Variants in CA3 observed in about 807,000 individuals in gnomAD.
The protein encoded by CA3 is CA-III.
Under a neutral mutation model 35.7 loss-of-function variants are expected in CA3, and 30 were observed. The ratio of observed to expected loss-of-function variants is 0.84; its 90% confidence interval spans 0.63 to 1.14. The LOEUF is 1.14. CA3 is among the 50% of genes most tolerant of loss of function. The pLI, the probability that CA3 is intolerant of heterozygous loss-of-function variation, is 0.00. For missense variants in CA3, 295 were observed against 328.5 expected (o/e 0.90, Z 0.79); for synonymous variants, 131 against 130.8 (o/e 1.00, Z -0.01).
At position 85,444,125 on chromosome 8, in the gene CA3, A is replaced by C; in HGVS notation, c.443A>C (p.Lys148Thr). The change falls in exon 4 of 7, where the codon AAG becomes ACG. Residue 148 changes from lysine (K) to threonine (T), a missense_variant and splice_region_variant. By Grantham distance (78) the Lys-to-Thr change is moderately conservative (BLOSUM62 -1). Transcript: ENST00000285381. The stretch of plus-strand genomic sequence containing the variant: ...ATCGCTGTGATTGGCATTTTTCTGA[A>C]GGTAAAGTAAAAATTGACTATATAT... ...DGIAVIGIFLKIGHENGEFQI... is the reference protein window; with the variant it reads ...DGIAVIGIFLTIGHENGEFQI... The C allele has an allele frequency of 6.3e-7, 1 of 1,598,508 alleles. No homozygotes were observed. Among genetic ancestry groups the C allele is most frequent in the Non-Finnish European group, 8.6e-7 (1 of 1,165,900 alleles).
At chr8:85,446,365 A>C in intron 6 of CA3, 68 bp downstream of exon 6, 1 of 1,519,556 alleles carries the variant, frequency 6.6e-7, no homozygotes, top group South Asian at 1.2e-5. Flanking sequence ...ATGCTAAATC[A>C]AAAATACATA....
At chr8:85,446,636 G>T (rs1811296604) in intron 6 of CA3, among the ~76,000 whole-genome samples, 1 of 152,210 alleles carries the variant, frequency 6.6e-6, no homozygotes, top group Non-Finnish European at 1.5e-5. Context: ...GAGATGGGAT[G>T]ATAAATACAG....
At chr8:85,440,682 A>G (rs1231418725) in intron 2 of CA3, among the ~76,000 whole-genome samples, 1 of 152,200 alleles carries the variant, frequency 6.6e-6, no homozygotes, top group African/African-American at 2.4e-5. Context: ...ATATACAGCA[A>G]AATAATTCCT....
rs1350466073 is a variant in CA3 at position 85,438,958 on chromosome 8, C to T, written c.34+15C>T. The T allele has an allele frequency of 4.5e-6, 7 of 1,550,904 alleles. No individual in the cohort carries two copies. The highest frequency in any genetic ancestry group is 6.1e-6 in the Non-Finnish European group (7 of 1,146,854). ...CAGTCACAACGGTGAGTGCAGGCAG[C>T]CGCGACCCGGCCAGGAAGGGATGCC... On this transcript the variant is annotated intron_variant, in intron 1 of 6. Coordinates refer to ENST00000285381, the MANE Select transcript of CA3 (RefSeq NM_005181.4).
At position 85,442,090 on chromosome 8, in the gene CA3, C is replaced by G. The variant is rs768433048; in HGVS notation, c.250C>G (p.Leu84Val). ...YDRSMLRGGP[L>V]PGPYRLRQFH... ...AATCACAGTGCTGAGAGGGGGTCCTCTCCCTGGACCCTACCGACTTCGCCA... is the reference window on the plus strand; with the variant it reads ...AATCACAGTGCTGAGAGGGGGTCCTGTCCCTGGACCCTACCGACTTCGCCA... Residue 84 changes from leucine to valine, a missense_variant, in exon 3 of 7, where the codon CTC becomes GTC. Leu to Val is a conservative substitution (Grantham distance 32). Coordinates refer to ENST00000285381, the MANE Select transcript of CA3 (RefSeq NM_005181.4). The G allele has an allele frequency of 6.4e-7, 1 of 1,560,952 alleles. No individual in the cohort carries two copies. Among genetic ancestry groups the G allele is most frequent in the Non-Finnish European group, 8.8e-7 (1 of 1,131,438 alleles).
intron 3 of CA3, among the ~76,000 whole-genome samples, chr8:85,443,372 C>G (rs985819207): frequency 6.6e-6 from 1 of 152,174 alleles, no homozygotes; most frequent in African/African-American, 2.4e-5. Context: ...AAGATAGGCT[C>G]TGGTTAACAT....
chr8:85,444,563 G>T (rs1439195293), intron 4 of CA3, among the ~76,000 whole-genome samples: 1 of 152,176 alleles, frequency 6.6e-6, no homozygotes, highest in Non-Finnish European at 1.5e-5. Flanking sequence ...GCTTGAGGTG[G>T]TCACCACTCA....
chr8:85,439,036 G>T (rs1161663740), intron 1 of CA3, 93 bp downstream of exon 1: 10 of 1,258,980 alleles, frequency 7.9e-6, no homozygotes, highest in African/African-American at 1.5e-5. Context: ...AGAGACTGCA[G>T]TGGAAAATGT....
rs192825482 is a variant in CA3, at chr8:85,439,997, T to C, written c.232+88T>C. The C allele has an allele frequency of 9.4e-4, 905 of 959,922 alleles. 6 individuals carry two copies. The African/African-American group carries it at 0.013, about 14-fold the overall frequency. 59.5% of individuals were successfully genotyped at this position (959,922 alleles called of 1,614,324 possible). ...GTTTATGACACAGTACCAGAATTAA[T>C]GGGGAGAGGGAGCACTTTATCTTTT... is the stretch of plus-strand genomic sequence containing the variant. On this transcript the variant is annotated intron_variant, in intron 2 of 6. Transcript: ENST00000285381.
intron 3 of CA3, chr8:85,442,414 G>T: frequency 2.1e-6 from 1 of 468,740 alleles, no homozygotes; most frequent in Non-Finnish European, 3.9e-6. Context: ...GATTTCCAAG[G>T]TTATGTTAAG....
intron 6 of CA3, 142 bp from the exon 7 acceptor site, chr8:85,447,892 C>G (rs1219104942): frequency 9.3e-6 from 7 of 750,304 alleles, no homozygotes; most frequent in Non-Finnish European, 1.4e-5. Flanking sequence ...GAGCGAGACT[C>G]TGTCTCAAAA....
At position 85,448,047 on chromosome 8, in the gene CA3, G is replaced by C. The variant is rs142979911; in HGVS notation, c.677G>C (p.Arg226Pro). Reference sequence around the variant, plus strand: ...TGCCCTTTGCAGATGGCCAAGCTGCGGAGCCTCCTCTCCAGTGCTGAGAAC... The same window carrying C: ...TGCCCTTTGCAGATGGCCAAGCTGCCGAGCCTCCTCTCCAGTGCTGAGAAC... The part of the protein sequence containing the change: ...TVSSDQMAKL[R>P]SLLSSAENEP... The change falls in exon 7 of 7, where the codon CGG becomes CCG. Residue 226 changes from arginine (R) to proline (P), a missense_variant. Arg to Pro is a moderately radical substitution (Grantham distance 103, BLOSUM62 -2). Transcript: ENST00000285381. The C allele has an allele frequency of 6.2e-7, 1 of 1,611,186 alleles. No homozygotes were observed. Among genetic ancestry groups the C allele is most frequent in the African/African-American group, 1.3e-5 (1 of 74,858 alleles).
At chr8:85,445,021 T>G in intron 4 of CA3, 135 bp from the exon 5 acceptor site, 1 of 544,258 alleles carries the variant, frequency 1.8e-6, no homozygotes, top group Non-Finnish European at 3.3e-6. Flanking sequence ...TAAACTTATG[T>G]TTTTGCTTAG....
At chr8:85,444,310 G>A (rs1437782219) in intron 4 of CA3, among the ~76,000 whole-genome samples, 184 bp downstream of exon 4, 6 of 152,120 alleles carry the variant, frequency 3.9e-5, no homozygotes, top group Non-Finnish European at 7.3e-5. Context: ...CTCTAAAAGT[G>A]TATCTTTTAC....
Position 85,445,262 on chromosome 8 carries a change from T to G in CA3, c.507+44T>G. On this transcript the variant is annotated intron_variant, in intron 5 of 6. Coordinates refer to ENST00000285381, the MANE Select transcript of CA3 (RefSeq NM_005181.4). ...CCCTCCTAAAACATAAAGCAGATTA[T>G]GCAGATTTTCTTTACATATTTTCAA... 2.3e-6 allele frequency: 3 copies of G among 1,289,478 alleles called. No individual in the cohort carries two copies. In the East Asian group the frequency reaches 7.0e-5, roughly 30 times the overall value. The allele number at this position is 1,289,478 out of a possible 1,614,324, so 79.9% of individuals were successfully genotyped here.
chr8:85,439,308 A>G (rs1332916973), intron 1 of CA3, among the ~76,000 whole-genome samples: 1 of 152,146 alleles, frequency 6.6e-6, no homozygotes, highest in Non-Finnish European at 1.5e-5. Context: ...CGGTGTGAGA[A>G]TCTCTGCTCT....
At chr8:85,440,852 G>T (rs1252006354) in intron 2 of CA3, among the ~76,000 whole-genome samples, 2 of 152,088 alleles carry the variant, frequency 1.3e-5, no homozygotes, top group Non-Finnish European at 2.9e-5. Flanking sequence ...TATTGCTATT[G>T]TTTCCTTTTT....
intron 3 of CA3, 183 bp downstream of exon 3, chr8:85,442,374 G>A (rs1221142541): frequency 2.2e-5 from 12 of 555,144 alleles, no homozygotes; most frequent in Non-Finnish European, 3.9e-5. Flanking sequence ...ACAGGTAAAA[G>A]GGTATAGGTG....
intron 5 of CA3, among the ~76,000 whole-genome samples, chr8:85,445,533 C>CAT (rs1554708005): frequency 0.068 from 9,643 of 141,370 alleles, 1,590 homozygotes; most frequent in African/African-American, 0.13. Context: ...CACACACACA[C>CAT]ACACACACAC....
Sources: gnomAD v4.1 joint callset for allele counts (sites outside exome capture counted in the v4.1 genomes callset) on GRCh38, gnomAD v4.1.1 for gene constraint, MANE v1.5 for transcripts, NCBI Gene and HGNC (gene_info 2026-07-23, HGNC 2026-07-21) for gene names.